Variants in SUPT6H observed in about 807,000 individuals in gnomAD.
SUPT6H encodes the protein transcription elongation factor SPT6.
In SUPT6H, 11 loss-of-function variants were observed where a neutral mutation model predicts 222.3. That is an observed-to-expected ratio of 0.05 (90% confidence interval 0.03 to 0.08). The LOEUF is 0.08. SUPT6H is among the 10% of genes least tolerant of loss of function. The probability of loss-of-function intolerance (pLI) is 1.00; values close to 1 mark genes in which losing one functional copy is unlikely to be tolerated. For missense variants in SUPT6H, 1,422 were observed against 2,216.0 expected, an observed-to-expected ratio of 0.64 and a Z score of 7.19; for synonymous variants, 762 against 801.2, an observed-to-expected ratio of 0.95 and a Z score of 0.83.
chr17:28,665,682 G>A (rs2029971191), intron 1 of SUPT6H, among the ~76,000 whole-genome samples: 1 of 152,200 alleles, frequency 6.6e-6, no homozygotes, highest in Non-Finnish European at 1.5e-5. Flanking sequence ...AGAATTGCTT[G>A]AACCTGGGAG....
intron 24 of SUPT6H, 137 bp from the exon 25 acceptor site, chr17:28,689,217 T>C: frequency 1.4e-6 from 1 of 726,340 alleles, no homozygotes; most frequent in Non-Finnish European, 2.3e-6. Context: ...TCTACCTCAT[T>C]CTTGTTAATG....
chr17:28,685,741 C>A (rs1046148093), intron 19 of SUPT6H, among the ~76,000 whole-genome samples: 2 of 152,186 alleles, frequency 1.3e-5, no homozygotes, highest in Admixed American at 1.3e-4. Flanking sequence ...GCCTCAGCCT[C>A]CCAAAGTGCT....
chr17:28,685,464 A>C (rs564738463), intron 19 of SUPT6H, among the ~76,000 whole-genome samples: 11 of 112,628 alleles, frequency 9.8e-5, no homozygotes, highest in African/African-American at 3.2e-4. Flanking sequence ...TTTAAATTTT[A>C]TTATTATCAT....
chr17:28,678,871 G>A lies in SUPT6H; in HGVS notation c.1257G>A (p.Lys419=), dbSNP rs778441250. 1.2e-5 allele frequency: 19 copies of A among 1,614,098 alleles called. No homozygotes were observed. Among genetic ancestry groups the A allele is most frequent in the East Asian group, 2.2e-5 (1 of 44,904 alleles). Residue 419 remains lysine, a synonymous_variant, in exon 11 of 37, where the codon AAG becomes AAA. Transcript: ENST00000314616. ...RKENLTRLFE[K]MQAYQYEQIS... ...AGAACCTAACACGGCTGTTTGAGAAGATGCAGGCTTATCAGTATGAACAGA... is the reference window on the plus strand; with the variant it reads ...AGAACCTAACACGGCTGTTTGAGAAAATGCAGGCTTATCAGTATGAACAGA...
rs768994245 is a variant in SUPT6H, at chr17:28,688,060, T to G, written c.3007-31T>G. On this transcript the variant is annotated intron_variant, in intron 23 of 36. Transcript: ENST00000314616. The surrounding 1 kb of genome is among the most constrained non-coding windows in gnomAD (Gnocchi z 4.3). ...GTCTGGGGAGGTGGGGCCTGCTTACTGCCCTGGCTCAGTCCAGCTCTCTCC... is the reference window on the plus strand; with the variant it reads ...GTCTGGGGAGGTGGGGCCTGCTTACGGCCCTGGCTCAGTCCAGCTCTCTCC... The G allele has an allele frequency of 1.8e-5, 29 of 1,572,610 alleles. No homozygotes were observed. Among genetic ancestry groups the G allele is most frequent in the Non-Finnish European group, 2.5e-5 (29 of 1,156,776 alleles).
chr17:28,672,173 G>T (rs1432603656), intron 1 of SUPT6H, among the ~76,000 whole-genome samples: 1 of 152,176 alleles, frequency 6.6e-6, no homozygotes, highest in African/African-American at 2.4e-5. Context: ...TATGAATAGT[G>T]TATGTAAACA....
intron 32 of SUPT6H, among the ~76,000 whole-genome samples, chr17:28,698,847 A>T (rs1164382065): frequency 6.6e-6 from 1 of 152,162 alleles, no homozygotes; most frequent in Admixed American, 6.5e-5. Context: ...TCATTTCTTG[A>T]GAAGCCTGTT....
chr17:28,692,081 TG>T (rs1373519356), intron 27 of SUPT6H, among the ~76,000 whole-genome samples: 1 of 151,050 alleles, frequency 6.6e-6, no homozygotes, highest in Non-Finnish European at 1.5e-5. Context: ...CCCAGCACTT[TG>T]GGAGGCTGAG....
intron 1 of SUPT6H, chr17:28,670,824 G>A (rs988062220): frequency 3.3e-5 from 5 of 152,452 alleles, no homozygotes; most frequent in African/African-American, 1.2e-4. Flanking sequence ...GGTGGAGGTT[G>A]CGGTGAGCCG....
Position 28,700,941 on chromosome 17 carries a change from G to A in SUPT6H, c.4807G>A (p.Val1603Ile). The change falls in exon 36 of 37, where the codon GTA (valine) becomes ATA (isoleucine). Residue 1603 changes from valine to isoleucine, a missense_variant and splice_region_variant. Around this residue, in one of 13 missense-constraint regions of SUPT6H, gnomAD observed 395 missense variants for 580.6 expected, o/e 0.68. Transcript: ENST00000314616. ...TATTTAACTGTTCATGCCTCTCCAG[G>A]TATTCCCAACGCCAGCCCAGCAGCC... ...GSGGGSSAYH[V>I]FPTPAQQPVA... The A allele has an allele frequency of 6.2e-7, 1 of 1,610,008 alleles. No homozygotes were observed. The highest frequency in any genetic ancestry group is 8.5e-7 in the Non-Finnish European group (1 of 1,176,926).
rs2030545409 is a variant in SUPT6H, at chr17:28,673,329, C to G, written c.-31-42C>G. The G allele has an allele frequency of 2.4e-6, 3 of 1,248,242 alleles. No individual in the cohort carries two copies. In the South Asian group the frequency reaches 3.8e-5, roughly 16 times the overall value. 77.3% of individuals were successfully genotyped at this position (1,248,242 alleles called of 1,614,324 possible). On this transcript the variant is annotated intron_variant, in intron 1 of 36. Transcript: ENST00000314616. ...AAGGTTTAAGAGCCCTCTGTACAAT[C>G]ATGTGTCCGTTTTTTTATCCTTCAC... is the stretch of plus-strand genomic sequence containing the variant.
At position 28,684,863 on chromosome 17, in the gene SUPT6H, G is replaced by T. The variant is rs751459672; in HGVS notation, c.2389G>T (p.Ala797Ser). Residue 797 changes from alanine (A) to serine (S), a missense_variant, in exon 19 of 37, where the codon GCC becomes TCC. Physicochemically the swap from Ala to Ser is moderately conservative, Grantham distance 99. Transcript: ENST00000314616. ...TGGCAGAGATCACCCTGTGTTCTGC[G>T]CCCTGGTCAATGGTGAAGGAGAAGT... is the stretch of plus-strand genomic sequence containing the variant. The part of the protein sequence containing the change: ...SSARDHPVFC[A>S]LVNGEGEVTD... 4 of 1,613,936 alleles carry T rather than the reference G, an allele frequency of 2.5e-6. No homozygotes were observed. Among genetic ancestry groups the T allele is most frequent in the East Asian group, 4.5e-5 (2 of 44,896 alleles).
intron 1 of SUPT6H, among the ~76,000 whole-genome samples, chr17:28,666,123 T>A (rs2029995575): frequency 6.6e-6 from 1 of 152,158 alleles, no homozygotes; most frequent in Non-Finnish European, 1.5e-5. Flanking sequence ...CCAAACCATC[T>A]CCAAAGAAGC....
chr17:28,697,792 C>T (rs2031987414), intron 31 of SUPT6H, 59 bp downstream of exon 31: 2 of 1,609,714 alleles, frequency 1.2e-6, no homozygotes, highest in Non-Finnish European at 1.7e-6. Flanking sequence ...TGTACGCTTT[C>T]CCTTCAGTAT....
chr17:28,676,854 G>A (rs1220923297), intron 7 of SUPT6H, among the ~76,000 whole-genome samples: 1 of 152,040 alleles, frequency 6.6e-6, no homozygotes, highest in Non-Finnish European at 1.5e-5. Flanking sequence ...TTGAACTTGG[G>A]AGGTCACGGC....
intron 21 of SUPT6H, 70 bp downstream of exon 21, chr17:28,686,859 G>A: frequency 2.0e-6 from 3 of 1,525,696 alleles, no homozygotes; most frequent in Non-Finnish European, 2.6e-6. Flanking sequence ...ATTAAATTGG[G>A]AAACAAAAGT....
At chr17:28,667,420 T>TATATAG (rs2030119329) in intron 1 of SUPT6H, among the ~76,000 whole-genome samples, 1 of 128,710 alleles carries the variant, frequency 7.8e-6, no homozygotes, top group South Asian at 2.6e-4. Context: ...TATATATATA[T>TATATAG]ATATATATAT....
In SUPT6H at chr17:28,697,745, G is replaced by A. The variant is rs1308011658; in HGVS notation, c.4323+12G>A. On this transcript the variant is annotated intron_variant, in intron 31 of 36. Transcript: ENST00000314616. Reference sequence around the variant, plus strand: ...GTGGGGACCGCAAGGTAAGCCCAGGGCCCTCTGAGGAATGACACTTGCCAA... The same window carrying A: ...GTGGGGACCGCAAGGTAAGCCCAGGACCCTCTGAGGAATGACACTTGCCAA... 9 of 1,613,512 alleles carry A rather than the reference G, an allele frequency of 5.6e-6. No individual in the cohort carries two copies. Among genetic ancestry groups the A allele is most frequent in the Non-Finnish European group, 6.8e-6 (8 of 1,179,454 alleles).
chr17:28,687,508 C>G, intron 23 of SUPT6H, 37 bp downstream of exon 23: 2 of 1,601,254 alleles, frequency 1.2e-6, no homozygotes, highest in Non-Finnish European at 1.7e-6. Context: ...TTAAAACTTG[C>G]CATTTCATTG....
Sources: allele counts gnomAD v4.1 joint callset (sites outside exome capture counted in the v4.1 genomes callset), GRCh38; gene constraint gnomAD v4.1.1; regional missense constraint gnomAD v4.1.1; non-coding constraint Gnocchi (gnomAD v3.1); transcripts MANE v1.5; gene names NCBI Gene and HGNC (gene_info 2026-07-23, HGNC 2026-07-21).